Variants in FKBP3 observed in about 807,000 individuals in gnomAD.
FKBP3 encodes FKBP prolyl isomerase 3, also known as peptidyl-prolyl cis-trans isomerase FKBP3.
In FKBP3, 21 loss-of-function variants were observed where a neutral mutation model predicts 30.6. The observed-to-expected ratio is 0.69, with a 90% CI of 0.49 to 0.99. The LOEUF is 0.99. FKBP3 is among the 50% of genes least tolerant of loss of function. FKBP3 has a pLI of 0.00. For missense variants in FKBP3, 283 were observed against 261.6 expected, an observed-to-expected ratio of 1.08 and a Z score of -0.56; for synonymous variants, 82 against 91.3, an observed-to-expected ratio of 0.90 and a Z score of 0.58.
At chr14:45,120,434 C>T (rs1389559205) in intron 5 of FKBP3, among the ~76,000 whole-genome samples, 1 of 152,198 alleles carries the variant, frequency 6.6e-6, no homozygotes, top group Non-Finnish European at 1.5e-5. Flanking sequence ...GCTGCAGAAA[C>T]AAACTCTGCT....
intron 1 of FKBP3, among the ~76,000 whole-genome samples, 173 bp downstream of exon 1, chr14:45,134,176 G>A (rs1209827401): frequency 2.0e-5 from 3 of 152,224 alleles, no homozygotes; most frequent in Non-Finnish European, 4.4e-5. Context: ...GAGAACGCCC[G>A]AGAGGCGGGA....
chr14:45,116,061 A>G lies in FKBP3; in HGVS notation c.*137T>C, dbSNP rs1391848152. 1.6e-6 allele frequency: 1 copy of G among 619,726 alleles called. No individual in the cohort carries two copies. Among genetic ancestry groups the G allele is most frequent in the African/African-American group, 1.8e-5 (1 of 54,946 alleles). The allele number at this position is 619,726 out of a possible 1,614,324, so 38.4% of individuals were successfully genotyped here. ...TCTCAAAAGCTGGGACCAAGTAAAC[A>G]AATTTTATTAACTCCTTGAATTTTC... On this transcript the variant is annotated 3_prime_UTR_variant, in exon 7 of 7. Transcript: ENST00000396062.
chr14:45,132,244 G>A (rs913570656), intron 1 of FKBP3, among the ~76,000 whole-genome samples: 2 of 152,170 alleles, frequency 1.3e-5, no homozygotes, highest in African/African-American at 4.8e-5. Context: ...TGACTAAACG[G>A]AAGTAATCAG....
At chr14:45,125,800 T>C (rs144118157) in intron 3 of FKBP3, among the ~76,000 whole-genome samples, 19 of 151,432 alleles carry the variant, frequency 1.3e-4, no homozygotes, top group African/African-American at 4.1e-4. Flanking sequence ...AAGTGACAAA[T>C]AGGGATAGTA....
Position 45,118,140 on chromosome 14 carries a change from A to G in FKBP3, c.523-15T>C, listed in dbSNP as rs184832872. ...GCTTCATCCCACTAAAGGCAAGAAC[A>G]AAATAAAAACTAATGGTATTTTGCA... On this transcript the variant is annotated splice_polypyrimidine_tract_variant and intron_variant, in intron 5 of 6. Coordinates refer to ENST00000396062, the MANE Select transcript of FKBP3 (RefSeq NM_002013.4). The G allele has an allele frequency of 6.6e-4, 1,030 of 1,555,346 alleles. 12 individuals are homozygous for G. In the African/African-American group the frequency reaches 0.013, roughly 20 times the overall value.
intron 5 of FKBP3, among the ~76,000 whole-genome samples, chr14:45,119,746 G>T (rs1461457830): frequency 6.7e-6 from 1 of 149,372 alleles, no homozygotes. Context: ...GGAGTGCAGT[G>T]GCGTGATCTC....
At chr14:45,119,230 A>G (rs1884926158) in intron 5 of FKBP3, among the ~76,000 whole-genome samples, 1 of 152,198 alleles carries the variant, frequency 6.6e-6, no homozygotes, top group Admixed American at 6.5e-5. Context: ...ACAATCATAT[A>G]AAGCACAAGG....
chr14:45,122,689 G>C (rs1885011122), intron 3 of FKBP3, among the ~76,000 whole-genome samples: 1 of 151,792 alleles, frequency 6.6e-6, no homozygotes, highest in African/African-American at 2.4e-5. Context: ...ATTTTTAGTA[G>C]AGACACGGTT....
rs1884985592 is a variant in FKBP3, at chr14:45,121,575, T to C, written c.364A>G (p.Thr122Ala). 6.2e-7 allele frequency: 1 copy of C among 1,613,682 alleles called. No homozygotes were observed. Among genetic ancestry groups the C allele is most frequent in the Non-Finnish European group, 8.5e-7 (1 of 1,179,846 alleles). The change falls in exon 4 of 7, where the codon ACC becomes GCC. Residue 122 changes from threonine to alanine, a missense_variant. Thr to Ala is a moderately conservative substitution (Grantham distance 58). Coordinates refer to ENST00000396062, the MANE Select transcript of FKBP3 (RefSeq NM_002013.4). The stretch of plus-strand genomic sequence containing the variant: ...ACATCTCCCTTTTTGGGAAAGTTGG[T>C]TTTATCTCCCTTTTTCAGAACAGAT... Reference protein sequence around the residue: ...TKSVLKKGDKTNFPKKGDVVH... With the variant: ...TKSVLKKGDKANFPKKGDVVH...
Position 45,122,777 on chromosome 14 carries a change from A to C in FKBP3, c.319-1157T>G, listed in dbSNP as rs1054666759. 2.6e-5 allele frequency among the ~76,000 whole-genome samples: 4 copies of C among 152,034 alleles called. No homozygotes were observed. In the Middle Eastern group the frequency reaches 0.014, roughly 517 times the overall value. ...CTCGGCCTCCCAAAGTGTTGGGATT[A>C]CAAGTGTGAGCCACCGCGCCTGGCC... is the stretch of plus-strand genomic sequence containing the variant. On this transcript the variant is annotated intron_variant, in intron 3 of 6. Transcript: ENST00000396062.
At chr14:45,122,594 C>T (rs1885008999) in intron 3 of FKBP3, among the ~76,000 whole-genome samples, 1 of 151,708 alleles carries the variant, frequency 6.6e-6, no homozygotes, top group Admixed American at 6.6e-5. Flanking sequence ...ACCTCTGCCT[C>T]CTGGGTTCAA....
At chr14:45,125,561 T>C (rs1885077889) in intron 3 of FKBP3, among the ~76,000 whole-genome samples, 2 of 152,220 alleles carry the variant, frequency 1.3e-5, no homozygotes, top group South Asian at 4.1e-4. Flanking sequence ...ATGAAAATTT[T>C]CCTCAATGCT....
rs541232555 is a variant in FKBP3, at chr14:45,126,832, T to C, written c.318+2962A>G. Among the ~76,000 whole-genome samples the C allele has an allele frequency of 1.9e-3, 282 of 152,116 alleles. 2 individuals are homozygous for C. Among genetic ancestry groups the C allele is most frequent in the Admixed American group, 4.5e-3 (68 of 15,280 alleles). The stretch of plus-strand genomic sequence containing the variant: ...GACCCTGTCTCTTTTTTTCTTTTTT[T>C]TGAGACTGAGTCTCCTTCTATTGCC... On this transcript the variant is annotated intron_variant, in intron 3 of 6. Coordinates refer to ENST00000396062, the MANE Select transcript of FKBP3 (RefSeq NM_002013.4).
At chr14:45,121,180 A>G (rs1027073182) in intron 4 of FKBP3, among the ~76,000 whole-genome samples, 3 of 152,216 alleles carry the variant, frequency 2.0e-5, no homozygotes, top group Non-Finnish European at 4.4e-5. Context: ...GGTAGGACCT[A>G]TACTTATATC....
chr14:45,116,182 C>G lies in FKBP3; in HGVS notation c.*16G>C. 6.3e-7 allele frequency: 1 copy of G among 1,589,930 alleles called. No individual in the cohort carries two copies. The highest frequency in any genetic ancestry group is 8.6e-7 in the Non-Finnish European group (1 of 1,158,370). On this transcript the variant is annotated 3_prime_UTR_variant, in exon 7 of 7. Transcript: ENST00000396062. ...ATCATTGTTGCTAATATCCTTAGAG[C>G]TGAAGCACTGCTATTTCAATCAATA...
chr14:45,122,036 G>C (rs544090680), intron 3 of FKBP3, among the ~76,000 whole-genome samples: 12 of 152,122 alleles, frequency 7.9e-5, no homozygotes, highest in Non-Finnish European at 1.8e-4. Context: ...ATATTACTAG[G>C]TGTTTTTATA....
intron 1 of FKBP3, among the ~76,000 whole-genome samples, chr14:45,133,924 A>C (rs1885287749): frequency 6.6e-6 from 1 of 152,200 alleles, no homozygotes; most frequent in Non-Finnish European, 1.5e-5. Context: ...TGAGAAAAGC[A>C]AGTTGGATAC....
At chr14:45,129,667 T>C (rs3783700) in intron 3 of FKBP3, 127 bp downstream of exon 3, 29,983 of 552,988 alleles carry the variant, frequency 0.054, 1,233 homozygotes, top group East Asian at 0.12. Flanking sequence ...CTACATTAAG[T>C]GTTTGGCTCA....
intron 1 of FKBP3, chr14:45,131,031 AAC>A (rs1885203091): frequency 9.3e-6 from 3 of 322,856 alleles, no homozygotes; most frequent in South Asian, 7.0e-5. Flanking sequence ...TTATGTACTG[AAC>A]ACAGTGTTTC....
Sources: allele counts gnomAD v4.1 joint callset (sites outside exome capture counted in the v4.1 genomes callset), GRCh38; gene constraint gnomAD v4.1.1; transcripts MANE v1.5; gene names NCBI Gene and HGNC (gene_info 2026-07-23, HGNC 2026-07-21).